The following UNKL variants were observed in gnomAD, a reference collection of about 807,000 sequenced individuals.
UNKL encodes putative E3 ubiquitin-protein ligase UNKL.
In UNKL, 60 loss-of-function variants were observed where a neutral mutation model predicts 78.0. The observed-to-expected ratio is 0.77, with a 90% CI of 0.63 to 0.95. The LOEUF is 0.95. UNKL is among the 40% of genes least tolerant of loss of function. UNKL has a pLI of 0.00. For synonymous variants in UNKL, 608 were observed against 474.8 expected (o/e 1.28, Z -3.65); for missense variants, 1,159 against 1,045.7 (o/e 1.11, Z -1.49).
At chr16:1,405,925 A>C (rs1298808965) in intron 2 of UNKL, 1 of 456,404 alleles carries the variant, frequency 2.2e-6, no homozygotes, top group East Asian at 7.0e-5. Flanking sequence ...AGGAGGGTCC[A>C]CCAGACCCCC....
intron 2 of UNKL, among the ~76,000 whole-genome samples, chr16:1,410,973 A>C (rs1251038829): frequency 2.0e-5 from 3 of 152,146 alleles, no homozygotes; most frequent in Non-Finnish European, 4.4e-5. Context: ...GTTTGCACCT[A>C]TAATCCCTGC....
chr16:1,379,132 C>G (rs904599574), intron 10 of UNKL: 1 of 152,292 alleles, frequency 6.6e-6, no homozygotes, highest in Admixed American at 6.5e-5. Context: ...CAAGGCGCCG[C>G]GGTCCCCCGG....
At chr16:1,369,983 G>T in intron 12 of UNKL, 147 bp downstream of exon 12, 1 of 1,550,880 alleles carries the variant, frequency 6.4e-7, no homozygotes, top group Non-Finnish European at 8.7e-7. Context: ...TGCGGCGTGG[G>T]GGAACCTGTG....
Position 1,396,009 on chromosome 16 carries a change from C to T in UNKL, c.852+1169G>A, listed in dbSNP as rs540297452. 2.6e-5 allele frequency among the ~76,000 whole-genome samples: 4 copies of T among 152,286 alleles called. No individual in the cohort carries two copies. The South Asian group carries it at 6.2e-4, about 24-fold the overall frequency. On this transcript the variant is annotated intron_variant, in intron 6 of 14. Transcript: ENST00000389221. ...CCAGGCTGGAGTGCAGTGGCGCACT[C>T]TTGGCTCACTGCAACCTCAGCCTCC...
At chr16:1,384,409 C>T (rs1245173849) in intron 10 of UNKL, among the ~76,000 whole-genome samples, 2 of 152,096 alleles carry the variant, frequency 1.3e-5, no homozygotes, top group Non-Finnish European at 2.9e-5. Context: ...GGGCTCCCAG[C>T]CAGGCCCCCA....
chr16:1,372,852 A>C (rs1450609481), intron 10 of UNKL, among the ~76,000 whole-genome samples: 1 of 142,198 alleles, frequency 7.0e-6, no homozygotes, highest in African/African-American at 2.6e-5. Flanking sequence ...CTGCCGGCCT[A>C]CACTGCACAG....
Position 1,367,006 on chromosome 16 carries a change from C to T in UNKL, c.2046+86G>A, listed in dbSNP as rs564289462. On this transcript the variant is annotated intron_variant, in intron 14 of 14. Coordinates refer to ENST00000389221, the MANE Select transcript of UNKL (RefSeq NM_001372107.1). ...ACCCTGGGGCAGGGGAGGAAGGGGACACCGCACCAGCCAGGGCCCTCCCCA... is the reference window on the plus strand; with the variant it reads ...ACCCTGGGGCAGGGGAGGAAGGGGATACCGCACCAGCCAGGGCCCTCCCCA... The T allele has an allele frequency of 2.6e-4, 379 of 1,440,112 alleles. 2 individuals carry two copies. The East Asian group carries it at 9.3e-3, about 35-fold the overall frequency. The allele number at this position is 1,440,112 out of a possible 1,614,324, so 89.2% of individuals were successfully genotyped here.
chr16:1,368,079 CCA>C, intron 12 of UNKL: 13 of 587,204 alleles, frequency 2.2e-5, no homozygotes, highest in South Asian at 8.2e-5. Flanking sequence ...GCCGGTCTCC[CCA>C]CCAGATCTAC....
In UNKL at chr16:1,364,346, A is replaced by G. The variant is rs935382580; in HGVS notation, c.*1894T>C. 6.6e-6 allele frequency: 1 copy of G among 152,256 alleles called. No individual in the cohort carries two copies. Among genetic ancestry groups the G allele is most frequent in the African/African-American group, 2.4e-5 (1 of 41,472 alleles). 9.4% of individuals were successfully genotyped at this position (152,256 alleles called of 1,614,324 possible). A position where few individuals can be genotyped will look rare whatever the true frequency, so the allele number is the denominator to read the frequency against. ...ATATTAAATACATTCTAATTTGGTC[A>G]CTGATGATAAAGATTTTTACCTAGA... On this transcript the variant is annotated 3_prime_UTR_variant, in exon 15 of 15. Coordinates refer to ENST00000389221, the MANE Select transcript of UNKL (RefSeq NM_001372107.1).
At chr16:1,405,714 C>T (rs540760612) in intron 2 of UNKL, among the ~76,000 whole-genome samples, 2 of 152,092 alleles carry the variant, frequency 1.3e-5, no homozygotes, top group South Asian at 2.1e-4. Context: ...CACGAGCCCC[C>T]GGGGGTCGGG....
intron 10 of UNKL, among the ~76,000 whole-genome samples, chr16:1,380,115 T>C (rs553002056): frequency 6.6e-6 from 1 of 152,344 alleles, no homozygotes; most frequent in South Asian, 2.1e-4. Context: ...AGGTCTCTCT[T>C]AATCTGAAAC....
chr16:1,394,717 G>A lies in UNKL; in HGVS notation c.853-502C>T, dbSNP rs192259204. 2.2e-3 allele frequency among the ~76,000 whole-genome samples: 331 copies of A among 151,990 alleles called. 3 individuals carry two copies. The highest frequency in any genetic ancestry group is 5.3e-3 in the African/African-American group (221 of 41,454). On this transcript the variant is annotated intron_variant, in intron 6 of 14. Transcript: ENST00000389221. ...GGCCTGGCCCAGCCCCTCCTGCTCC[G>A]TAGCTCTCCGTAAAGGACACGGCAC...
At chr16:1,392,151 T>C (rs369989047) in intron 8 of UNKL, among the ~76,000 whole-genome samples, 16 of 152,274 alleles carry the variant, frequency 1.1e-4, no homozygotes, top group African/African-American at 3.9e-4. Flanking sequence ...AAGAAATATA[T>C]GAAGGGAGTC....
chr16:1,399,170 G>A lies in UNKL; in HGVS notation c.734+204C>T. The A allele has an allele frequency of 1.8e-6, 2 of 1,113,498 alleles. No homozygotes were observed. The highest frequency in any genetic ancestry group is 2.5e-6 in the Non-Finnish European group (2 of 810,228). 69.0% of individuals were successfully genotyped at this position (1,113,498 alleles called of 1,614,324 possible). On this transcript the variant is annotated intron_variant, in intron 5 of 14. Coordinates refer to ENST00000389221, the MANE Select transcript of UNKL (RefSeq NM_001372107.1). The surrounding 1 kb of genome is among the most constrained non-coding windows in gnomAD (Gnocchi z 5.8). ...TGCATGGGAGACACTGAGCGTAGGT[G>A]GGGAGGCCCATCCCCAGGACAGACG...
intron 11 of UNKL, among the ~76,000 whole-genome samples, chr16:1,371,082 C>CA (rs764163064): frequency 0.08 from 5,395 of 67,480 alleles, 217 homozygotes; most frequent in African/African-American, 0.1. Flanking sequence ...GGCTCTGTCT[C>CA]AAAAAAAAAA....
In UNKL at chr16:1,399,015, C is replaced by T; in HGVS notation, c.734+359G>A. On this transcript the variant is annotated intron_variant, in intron 5 of 14. Transcript: ENST00000389221. The surrounding 1 kb of genome is among the most constrained non-coding windows in gnomAD (Gnocchi z 5.8). Reference sequence around the variant, plus strand: ...GCAGCTTGGGTGAGGAGACAGCATGCAGCCCACAGGCTGGAGAGCGTGGCT... The same window carrying T: ...GCAGCTTGGGTGAGGAGACAGCATGTAGCCCACAGGCTGGAGAGCGTGGCT... The T allele has an allele frequency of 6.9e-7, 1 of 1,457,478 alleles. No individual in the cohort carries two copies. The highest frequency in any genetic ancestry group is 9.1e-7 in the Non-Finnish European group (1 of 1,102,506). 90.3% of individuals were successfully genotyped at this position (1,457,478 alleles called of 1,614,324 possible). A position where few individuals can be genotyped will look rare whatever the true frequency, so the allele number is the denominator to read the frequency against.
chr16:1,413,837 GC>G lies in UNKL; in HGVS notation c.287+8del. Reference sequence around the variant, plus strand: ...GCCCAGGCAGCGGCGCCCCCTCGCGGCCGCTTACTCGTCGCCGTCGGGGCAC... The same window carrying G: ...GCCCAGGCAGCGGCGCCCCCTCGCGGCGCTTACTCGTCGCCGTCGGGGCAC... On this transcript the variant is annotated splice_region_variant and intron_variant, in intron 2 of 14. Coordinates refer to ENST00000389221, the MANE Select transcript of UNKL (RefSeq NM_001372107.1). The G allele has an allele frequency of 6.6e-7, 1 of 1,514,830 alleles. No homozygotes were observed. Among genetic ancestry groups the G allele is most frequent in the Non-Finnish European group, 8.9e-7 (1 of 1,124,180 alleles). 93.8% of individuals were successfully genotyped at this position (1,514,830 alleles called of 1,614,324 possible).
chr16:1,395,544 T>C, intron 6 of UNKL: 1 of 389,882 alleles, frequency 2.6e-6, no homozygotes, highest in Non-Finnish European at 5.3e-6. Context: ...CCCTGTACCG[T>C]CCATACCCTG....
intron 6 of UNKL, among the ~76,000 whole-genome samples, chr16:1,396,388 G>C (rs1161827139): frequency 3.3e-5 from 5 of 151,332 alleles, no homozygotes; most frequent in South Asian, 2.1e-4. Context: ...CCAAGTTCAA[G>C]TGCTCCTCGC....
Sources: gnomAD v4.1 joint callset for allele counts (sites outside exome capture counted in the v4.1 genomes callset) on GRCh38, gnomAD v4.1.1 for gene constraint, Gnocchi (gnomAD v3.1) non-coding constraint, MANE v1.5 for transcripts, NCBI Gene and HGNC (gene_info 2026-07-23, HGNC 2026-07-21) for gene names.